The following PDE10A variants were observed in gnomAD, a reference collection of about 807,000 sequenced individuals.
PDE10A encodes phosphodiesterase 10A.
A neutral mutation model predicts 97.7 loss-of-function variants in PDE10A; 39 were observed. The observed-to-expected ratio is 0.40, with a 90% CI of 0.31 to 0.52. PDE10A has a LOEUF of 0.52. PDE10A is among the 20% of genes least tolerant of loss of function. The pLI is 0.56. For synonymous variants in PDE10A, 371 were observed against 376.8 expected (o/e 0.98, Z 0.18); for missense variants, 731 against 1,047.8 (o/e 0.70, Z 4.17).
intron 18 of PDE10A, among the ~76,000 whole-genome samples, chr6:165,344,231 A>G (rs1381236182): frequency 2.6e-5 from 4 of 152,178 alleles, no homozygotes; most frequent in Non-Finnish European, 5.9e-5. Context: ...AAAAAAAATC[A>G]AAGACATATC....
chr6:165,517,086 T>C (rs1781856116), intron 2 of PDE10A, among the ~76,000 whole-genome samples: 1 of 152,206 alleles, frequency 6.6e-6, no homozygotes, highest in East Asian at 1.9e-4. Context: ...ATTCATTAAA[T>C]GGGTATTTAA....
At position 165,395,287 on chromosome 6, in the gene PDE10A, T is replaced by C. The variant is rs765463428; in HGVS notation, c.2220-23A>G. 3.4e-6 allele frequency: 5 copies of C among 1,486,380 alleles called. No homozygotes were observed. The African/African-American group carries it at 5.5e-5, about 16-fold the overall frequency. 92.1% of individuals were successfully genotyped at this position (1,486,380 alleles called of 1,614,324 possible). ...AATCTGAAATTTTAAAAGGGCAGTT[T>C]ATCACTAAACGTGATTAGAATAAAC... On this transcript the variant is annotated intron_variant, in intron 14 of 21. Transcript: ENST00000539869.
chr6:165,456,747 G>A (rs1433721337), intron 3 of PDE10A, among the ~76,000 whole-genome samples: 1 of 152,046 alleles, frequency 6.6e-6, no homozygotes, highest in Non-Finnish European at 1.5e-5. Context: ...ATTTTTTCTT[G>A]TTTATATTAA....
At chr6:165,842,224 A>G (rs1007758365) in intron 1 of PDE10A, among the ~76,000 whole-genome samples, 1 of 152,218 alleles carries the variant, frequency 6.6e-6, no homozygotes, top group Non-Finnish European at 1.5e-5. Flanking sequence ...TAAGATTGTC[A>G]TGATCAATCA....
At chr6:165,899,973 T>C (rs1782058736) in intron 1 of PDE10A, among the ~76,000 whole-genome samples, 1 of 152,206 alleles carries the variant, frequency 6.6e-6, no homozygotes, top group South Asian at 2.1e-4. Flanking sequence ...GGAGGGCTGA[T>C]TGGCCAGGGC....
At chr6:165,984,586 G>A (rs1785126003) in intron 1 of PDE10A, among the ~76,000 whole-genome samples, 1 of 152,216 alleles carries the variant, frequency 6.6e-6, no homozygotes, top group African/African-American at 2.4e-5. Flanking sequence ...TGCTGCGTAT[G>A]GAGCTGATGA....
intron 3 of PDE10A, among the ~76,000 whole-genome samples, chr6:165,451,878 G>A (rs1475973933): frequency 6.6e-6 from 1 of 152,184 alleles, no homozygotes; most frequent in Non-Finnish European, 1.5e-5. Context: ...TTTTATATGA[G>A]AGCACCTACT....
chr6:165,885,114 C>T (rs1781592957), intron 1 of PDE10A, among the ~76,000 whole-genome samples: 1 of 152,164 alleles, frequency 6.6e-6, no homozygotes, highest in Non-Finnish European at 1.5e-5. Flanking sequence ...TGCTTTGTGG[C>T]TTTCAGACTC....
At chr6:165,601,451 TTA>T (rs1013113431) in intron 1 of PDE10A, among the ~76,000 whole-genome samples, 19 of 152,228 alleles carry the variant, frequency 1.2e-4, no homozygotes, top group African/African-American at 3.6e-4. Context: ...ATGCCGTGTT[TTA>T]TGTGACTTAG....
intron 1 of PDE10A, chr6:165,939,675 G>C (rs1342047569): frequency 6.6e-6 from 1 of 152,162 alleles, no homozygotes; most frequent in Non-Finnish European, 1.5e-5. Context: ...AAAAGTGTTC[G>C]ACACAGAGTG....
intron 3 of PDE10A, among the ~76,000 whole-genome samples, chr6:165,459,966 T>C (rs116773056): frequency 0.091 from 13,886 of 152,198 alleles, 737 homozygotes; most frequent in East Asian, 0.2. Flanking sequence ...AGGAAAACAA[T>C]GGGCTACTCA....
chr6:165,640,025 G>A (rs113246170), intron 1 of PDE10A, among the ~76,000 whole-genome samples: 3,097 of 149,864 alleles, frequency 0.021, 105 homozygotes, highest in East Asian at 0.089. Flanking sequence ...AGCTGTGATC[G>A]CACCACTGCA....
intron 1 of PDE10A, among the ~76,000 whole-genome samples, chr6:165,564,466 T>C (rs1784679129): frequency 6.6e-6 from 1 of 152,210 alleles, no homozygotes; most frequent in African/African-American, 2.4e-5. Context: ...TAAGAAATGG[T>C]TGTTTTCAAT....
chr6:165,850,761 C>T (rs920069706), intron 1 of PDE10A, among the ~76,000 whole-genome samples: 2 of 152,212 alleles, frequency 1.3e-5, no homozygotes, highest in East Asian at 3.9e-4. Flanking sequence ...GATTTTTCAA[C>T]CACATAATTT....
At chr6:165,585,281 T>C (rs770648543) in intron 1 of PDE10A, among the ~76,000 whole-genome samples, 102 of 152,186 alleles carry the variant, frequency 6.7e-4, no homozygotes, top group Non-Finnish European at 1.2e-3. Context: ...AGAAGAAGTA[T>C]ATGAGTGCCA....
At chr6:165,696,028 C>A (rs1187414202) in intron 1 of PDE10A, among the ~76,000 whole-genome samples, 2 of 151,958 alleles carry the variant, frequency 1.3e-5, no homozygotes, top group Admixed American at 6.5e-5. Context: ...CTAATGTCAC[C>A]CCAGGGTAAC....
chr6:165,406,228 A>ATGTGTGTGTGTGTGTGTGTGTG lies in PDE10A; in HGVS notation c.2076+7251_2076+7272dup, dbSNP rs3839483. 8.4e-3 allele frequency among the ~76,000 whole-genome samples: 1,176 copies of ATGTGTGTGTGTGTGTGTGTGTG among 140,460 alleles called. 8 individuals carry two copies. The highest frequency in any genetic ancestry group is 0.01 in the Non-Finnish European group (677 of 64,976). The allele number at this position is 140,460 out of a possible 152,430, so 92.1% of individuals were successfully genotyped here. ...TTCAAATTCAAGATGAGGGAAAAGG[A>ATGTGTGTGTGTGTGTGTGTGTG]TGTGTGTGTGTGTGTGTGTGTGTGT... On this transcript the variant is annotated intron_variant, in intron 13 of 21. Transcript: ENST00000539869.
rs531449255 is a variant in PDE10A at position 165,873,866 on chromosome 6, T to A, written c.-615+113663A>T. Among the ~76,000 whole-genome samples, 533 of 152,352 alleles carry A rather than the reference T, an allele frequency of 3.5e-3. 4 individuals are homozygous for A. The highest frequency in any genetic ancestry group is 9.3e-3 in the African/African-American group (385 of 41,588). On this transcript the variant is annotated intron_variant, in intron 1 of 19. Coordinates refer to the PDE10A transcript ENST00000366882. ...TTATTTGTTTACTACTGGGTTTTTT[T>A]AAAAAATTAATCATTTAAGAATTTA...
At chr6:165,618,906 T>C (rs1302442040) in intron 1 of PDE10A, among the ~76,000 whole-genome samples, 4 of 152,046 alleles carry the variant, frequency 2.6e-5, no homozygotes. Context: ...CGGGCTAGTC[T>C]CTCCTTCATA....
Sources: gnomAD v4.1 joint callset for allele counts (sites outside exome capture counted in the v4.1 genomes callset) on GRCh38, gnomAD v4.1.1 for gene constraint, MANE v1.5 for transcripts, NCBI Gene and HGNC (gene_info 2026-07-23, HGNC 2026-07-21) for gene names.